The following GRIP1 variants were observed in gnomAD, a reference collection of about 807,000 sequenced individuals.
GRIP1 encodes the protein glutamate receptor-interacting protein 1.
A neutral mutation model predicts 129.9 loss-of-function variants in GRIP1; 45 were observed. The observed-to-expected ratio is 0.35, with a 90% confidence interval of 0.27 to 0.44. The LOEUF (loss-of-function observed/expected upper bound fraction) is 0.44, where lower values mean the gene tolerates loss of function less well. Among genes scored for constraint, GRIP1 ranks in the 20% least tolerant of loss-of-function variants. The pLI, the probability that GRIP1 is intolerant of heterozygous loss-of-function variation, is 1.00. For missense variants in GRIP1, 1,196 were observed against 1,396.8 expected (o/e 0.86, Z 2.29); for synonymous variants, 530 against 520.8 (o/e 1.02, Z -0.24).
intron 1 of GRIP1, among the ~76,000 whole-genome samples, chr12:66,708,912 G>A (rs1294228096): frequency 6.6e-6 from 1 of 151,558 alleles, no homozygotes; most frequent in African/African-American, 2.4e-5. Flanking sequence ...TTTTTGTCAA[G>A]AAGTTGACAC....
chr12:66,571,972 A>G (rs1199652725), intron 2 of GRIP1, among the ~76,000 whole-genome samples: 1 of 152,190 alleles, frequency 6.6e-6, no homozygotes, highest in Admixed American at 6.5e-5. Flanking sequence ...GGGCTGGTGT[A>G]TGCACTTATG....
Position 67,024,596 on chromosome 12 carries a change from T to C in GRIP1, c.58+44454A>G, listed in dbSNP as rs572486161. The stretch of plus-strand genomic sequence containing the variant: ...AAAGTGACTACTAAAAAAAAAATCC[T>C]ACCATCTTATTTGTGTTCTAAATGC... On this transcript the variant is annotated intron_variant, in intron 1 of 1. Coordinates refer to the GRIP1 transcript ENST00000643019. Among the ~76,000 whole-genome samples the C allele has an allele frequency of 2.6e-5, 4 of 152,296 alleles. No homozygotes were observed. The East Asian group carries it at 7.7e-4, about 29-fold the overall frequency.
chr12:66,854,945 C>T (rs2039977498), intron 1 of GRIP1, among the ~76,000 whole-genome samples: 1 of 152,030 alleles, frequency 6.6e-6, no homozygotes, highest in Non-Finnish European at 1.5e-5. Flanking sequence ...AGAGAAACTA[C>T]TTACTCTTAA....
intron 1 of GRIP1, among the ~76,000 whole-genome samples, chr12:66,897,678 C>T (rs1323283984): frequency 6.6e-6 from 1 of 152,166 alleles, no homozygotes; most frequent in Non-Finnish European, 1.5e-5. Context: ...GTAACAGATC[C>T]AATTATGGCA....
chr12:66,628,004 G>T (rs1204507248), intron 1 of GRIP1, among the ~76,000 whole-genome samples: 1 of 152,118 alleles, frequency 6.6e-6, no homozygotes, highest in African/African-American at 2.4e-5. Flanking sequence ...TGATCATTTA[G>T]ATCTAGTTGT....
At chr12:66,979,222 TAAAAAAAA>T (rs35306665) in intron 1 of GRIP1, among the ~76,000 whole-genome samples, 213 of 41,420 alleles carry the variant, frequency 5.1e-3, no homozygotes, top group African/African-American at 0.015. Flanking sequence ...CTTCTCTTCT[TAAAAAAAA>T]AAAAAAAAAA....
At chr12:66,371,649 G>A in intron 23 of GRIP1, 45 bp downstream of exon 23, 1 of 1,278,430 alleles carries the variant, frequency 7.8e-7, no homozygotes, top group Admixed American at 1.7e-5. Context: ...TATGCAGAAT[G>A]GCTGCCAAAT....
intron 1 of GRIP1, among the ~76,000 whole-genome samples, chr12:66,826,163 G>T (rs1406625709): frequency 6.6e-6 from 1 of 152,134 alleles, no homozygotes; most frequent in East Asian, 1.9e-4. Flanking sequence ...GGACATGGAA[G>T]AAGCTGGAAA....
intron 5 of GRIP1, among the ~76,000 whole-genome samples, chr12:66,528,138 T>TTTTTTTTTTTTC (rs1430935588): frequency 1.8e-5 from 2 of 112,472 alleles, no homozygotes; most frequent in African/African-American, 8.4e-5. Flanking sequence ...TAGTAGGTTT[T>TTTTTTTTTTTTC]TTTTTTTTTT....
chr12:66,566,093 C>T (rs987996864), intron 2 of GRIP1, among the ~76,000 whole-genome samples: 31 of 152,288 alleles, frequency 2.0e-4, no homozygotes, highest in Non-Finnish European at 3.8e-4. Flanking sequence ...TTCCTCTTTT[C>T]CTAACTGAAT....
At chr12:66,919,042 C>T (rs2041171622) in intron 1 of GRIP1, among the ~76,000 whole-genome samples, 1 of 152,154 alleles carries the variant, frequency 6.6e-6, no homozygotes, top group South Asian at 2.1e-4. Context: ...CCACAAAGGG[C>T]TGTCATTTTA....
chr12:66,971,794 A>T (rs1306974339), intron 1 of GRIP1, among the ~76,000 whole-genome samples: 1 of 152,230 alleles, frequency 6.6e-6, no homozygotes, highest in Non-Finnish European at 1.5e-5. Context: ...CCTGAGGAGA[A>T]GTTAGAAAAT....
At chr12:66,915,479 C>T (rs997736497) in intron 1 of GRIP1, among the ~76,000 whole-genome samples, 3 of 152,192 alleles carry the variant, frequency 2.0e-5, no homozygotes, top group Middle Eastern at 3.4e-3. Context: ...GTGACAAAGG[C>T]GAGTGAGACG....
At chr12:66,723,631 G>C (rs1335882255) in intron 1 of GRIP1, among the ~76,000 whole-genome samples, 1 of 151,942 alleles carries the variant, frequency 6.6e-6, no homozygotes, top group Non-Finnish European at 1.5e-5. Context: ...TTTTTGGCTT[G>C]AGAATGCAAA....
At chr12:66,950,071 C>T (rs998196745) in intron 1 of GRIP1, among the ~76,000 whole-genome samples, 8 of 152,250 alleles carry the variant, frequency 5.3e-5, no homozygotes, top group Non-Finnish European at 7.4e-5. Context: ...CCACCACGCC[C>T]GGCCACTACT....
intron 1 of GRIP1, among the ~76,000 whole-genome samples, chr12:67,010,469 C>G (rs1358651911): frequency 1.3e-5 from 2 of 152,140 alleles, no homozygotes; most frequent in Non-Finnish European, 2.9e-5. Context: ...TAGTCCCTTT[C>G]TATTACGTAC....
At chr12:66,633,874 A>G (rs578097498) in intron 1 of GRIP1, among the ~76,000 whole-genome samples, 2 of 152,210 alleles carry the variant, frequency 1.3e-5, no homozygotes, top group African/African-American at 4.8e-5. Context: ...CTTTAAGCAC[A>G]CTTGAGAGTG....
At chr12:66,928,774 T>C (rs1292907257) in intron 1 of GRIP1, among the ~76,000 whole-genome samples, 1 of 152,266 alleles carries the variant, frequency 6.6e-6, no homozygotes, top group Non-Finnish European at 1.5e-5. Context: ...GAGGAATTTG[T>C]ATTCTAGTGC....
At chr12:66,761,518 T>A (rs73329218) in intron 1 of GRIP1, among the ~76,000 whole-genome samples, 5,429 of 152,232 alleles carry the variant, frequency 0.036, 212 homozygotes, top group African/African-American at 0.1. Context: ...CCTTCCTCCA[T>A]TAAATGTAAT....
Sources: gnomAD v4.1 joint callset for allele counts (sites outside exome capture counted in the v4.1 genomes callset) on GRCh38, gnomAD v4.1.1 for gene constraint, MANE v1.5 for transcripts, NCBI Gene and HGNC (gene_info 2026-07-23, HGNC 2026-07-21) for gene names.